The following GRXCR1 variants were observed in gnomAD, a reference collection of about 807,000 sequenced individuals.
GRXCR1 encodes the protein glutaredoxin and cysteine rich domain containing 1.
In GRXCR1, 27 loss-of-function variants were observed where a neutral mutation model predicts 27.3. That is an observed-to-expected ratio of 0.99 (90% CI 0.73 to 1.37). GRXCR1 has a LOEUF of 1.37. Among genes scored for constraint, GRXCR1 ranks in the 40% most tolerant of loss-of-function variants. The pLI, the probability that GRXCR1 is intolerant of heterozygous loss-of-function variation, is 0.00. For missense variants in GRXCR1, 379 were observed against 354.4 expected (o/e 1.07, Z -0.56); for synonymous variants, 122 against 131.1 (o/e 0.93, Z 0.47).
At chr4:42,991,262 T>A (rs556651713) in intron 2 of GRXCR1, among the ~76,000 whole-genome samples, 1 of 152,206 alleles carries the variant, frequency 6.6e-6, no homozygotes, top group African/African-American at 2.4e-5. Context: ...AAAAACATAA[T>A]TGGATTTTAT....
chr4:42,942,138 T>C (rs1459670638), intron 1 of GRXCR1, among the ~76,000 whole-genome samples: 1 of 152,028 alleles, frequency 6.6e-6, no homozygotes, highest in Non-Finnish European at 1.5e-5. Flanking sequence ...ATAGTAGGCA[T>C]GGTAACAACA....
At chr4:42,989,422 A>C (rs1051077564) in intron 2 of GRXCR1, among the ~76,000 whole-genome samples, 2 of 152,214 alleles carry the variant, frequency 1.3e-5, no homozygotes, top group African/African-American at 4.8e-5. Context: ...CTATCTTCAA[A>C]TATAGTTACA....
chr4:42,998,900 T>C (rs1218353601), intron 2 of GRXCR1, among the ~76,000 whole-genome samples: 1 of 152,248 alleles, frequency 6.6e-6, no homozygotes, highest in East Asian at 1.9e-4. Context: ...AGATTTGGCT[T>C]TCCCAGGCAT....
intron 1 of GRXCR1, among the ~76,000 whole-genome samples, chr4:42,922,622 AGTAGGTTAAAG>A (rs1409071892): frequency 1.3e-5 from 2 of 152,044 alleles, no homozygotes; most frequent in Non-Finnish European, 2.9e-5. Flanking sequence ...TCCTCTAGAG[AGTAGGTTAAAG>A]GTATTGGCCC....
At chr4:42,946,224 C>T (rs1004385285) in intron 1 of GRXCR1, among the ~76,000 whole-genome samples, 1 of 152,052 alleles carries the variant, frequency 6.6e-6, no homozygotes, top group African/African-American at 2.4e-5. Context: ...TAGTCATCAT[C>T]GTTATGTTAA....
At chr4:42,976,651 T>G (rs1485287973) in intron 2 of GRXCR1, among the ~76,000 whole-genome samples, 1 of 151,974 alleles carries the variant, frequency 6.6e-6, no homozygotes, top group Non-Finnish European at 1.5e-5. Flanking sequence ...TTCTTTTGCA[T>G]GTATGTAATT....
chr4:42,944,040 T>G (rs1349852788), intron 1 of GRXCR1, among the ~76,000 whole-genome samples: 2 of 152,106 alleles, frequency 1.3e-5, no homozygotes, highest in Admixed American at 1.3e-4. Flanking sequence ...TGTATTTTTA[T>G]AATTGTAACA....
chr4:42,928,235 C>G (rs1287187191), intron 1 of GRXCR1, among the ~76,000 whole-genome samples: 5 of 151,882 alleles, frequency 3.3e-5, no homozygotes, highest in African/African-American at 1.2e-4. Flanking sequence ...GAGAAATAGT[C>G]CTGCACACGT....
At chr4:43,017,895 A>G (rs1221072977) in intron 2 of GRXCR1, among the ~76,000 whole-genome samples, 1 of 152,214 alleles carries the variant, frequency 6.6e-6, no homozygotes, top group African/African-American at 2.4e-5. Context: ...AAAGTGTGGC[A>G]ATGAGACCTT....
At chr4:43,001,018 C>A (rs1712338842) in intron 2 of GRXCR1, among the ~76,000 whole-genome samples, 1 of 151,972 alleles carries the variant, frequency 6.6e-6, no homozygotes, top group South Asian at 2.1e-4. Flanking sequence ...CCTCTACCTC[C>A]CGGGTTCAAG....
intron 2 of GRXCR1, among the ~76,000 whole-genome samples, chr4:43,001,159 C>CTTCTATCTTTTAAA (rs1169619903): frequency 6.6e-6 from 1 of 150,964 alleles, no homozygotes; most frequent in Non-Finnish European, 1.5e-5. Context: ...CTTTTAAAGA[C>CTTCTATCTTTTAAA]GATAGGATGC....
At chr4:42,958,039 G>A (rs1487645454) in intron 1 of GRXCR1, among the ~76,000 whole-genome samples, 2 of 151,890 alleles carry the variant, frequency 1.3e-5, no homozygotes, top group African/African-American at 4.8e-5. Context: ...TGCAGCATGG[G>A]CTTGTTTGTA....
intron 2 of GRXCR1, among the ~76,000 whole-genome samples, chr4:42,963,937 G>T (rs1332518243): frequency 6.6e-6 from 1 of 151,960 alleles, no homozygotes; most frequent in East Asian, 1.9e-4. Context: ...TTTAGCATCT[G>T]CTCTTAACCT....
chr4:42,987,799 A>G (rs1711828800), intron 2 of GRXCR1, among the ~76,000 whole-genome samples: 1 of 152,200 alleles, frequency 6.6e-6, no homozygotes, highest in Admixed American at 6.5e-5. Context: ...TTCTAAAGGA[A>G]TTCCAGATCA....
At chr4:43,028,570 C>A (rs1713328251) in intron 3 of GRXCR1, among the ~76,000 whole-genome samples, 1 of 152,086 alleles carries the variant, frequency 6.6e-6, no homozygotes. Flanking sequence ...TATTTAATGT[C>A]ATAGCAATAG....
intron 1 of GRXCR1, among the ~76,000 whole-genome samples, chr4:42,946,125 T>C (rs1042588874): frequency 6.6e-6 from 1 of 152,150 alleles, no homozygotes; most frequent in Non-Finnish European, 1.5e-5. Context: ...TATAAAATTA[T>C]ACTGTTCAGA....
intron 2 of GRXCR1, among the ~76,000 whole-genome samples, chr4:42,992,372 T>C (rs1712000423): frequency 6.6e-6 from 1 of 152,176 alleles, no homozygotes; most frequent in Non-Finnish European, 1.5e-5. Context: ...CCACTTTCTC[T>C]GCACACCAAA....
chr4:43,028,417 C>G (rs923031536), intron 3 of GRXCR1, among the ~76,000 whole-genome samples: 2 of 152,178 alleles, frequency 1.3e-5, no homozygotes, highest in Admixed American at 6.5e-5. Context: ...TTACTAGGAA[C>G]TCAGATCTAT....
At chr4:42,931,537 A>G (rs753301923) in intron 1 of GRXCR1, among the ~76,000 whole-genome samples, 2 of 151,702 alleles carry the variant, frequency 1.3e-5, no homozygotes, top group Non-Finnish European at 2.9e-5. Context: ...CTCTCATTAG[A>G]TACTTTTGTG....
Sources: allele counts gnomAD v4.1 joint callset (sites outside exome capture counted in the v4.1 genomes callset), GRCh38; gene constraint gnomAD v4.1.1; transcripts MANE v1.5; gene names NCBI Gene and HGNC (gene_info 2026-07-23, HGNC 2026-07-21).